IQCM: variants seen among roughly 807,000 people sequenced by gnomAD.
The protein encoded by IQCM is IQ domain-containing protein M.
IQCM carries 45 observed loss-of-function variants against 57.6 expected under a neutral mutation model. The ratio of observed to expected loss-of-function variants is 0.78; its 90% CI spans 0.62 to 1.00. The LOEUF is 1.00. Among genes scored for constraint, IQCM ranks in the 50% least tolerant of loss-of-function variants. The pLI, the probability that IQCM is intolerant of heterozygous loss-of-function variation, is 0.00. For synonymous variants in IQCM, 148 were observed against 158.9 expected (o/e 0.93, Z 0.51); for missense variants, 468 against 511.6 (o/e 0.91, Z 0.82).
At chr4:149,620,074 T>C (rs1028484820) in intron 8 of IQCM, among the ~76,000 whole-genome samples, 1 of 152,054 alleles carries the variant, frequency 6.6e-6, no homozygotes, top group Non-Finnish European at 1.5e-5. Context: ...CAAGAATCAC[T>C]TAAACCCGGC....
At chr4:149,595,550 T>C (rs936566830) in intron 8 of IQCM, among the ~76,000 whole-genome samples, 1 of 152,190 alleles carries the variant, frequency 6.6e-6, no homozygotes, top group Non-Finnish European at 1.5e-5. Context: ...CTATTAACAC[T>C]AGCATTTGCC....
intron 13 of IQCM, among the ~76,000 whole-genome samples, chr4:149,433,040 T>C (rs75147061): frequency 0.017 from 2,620 of 152,042 alleles, 77 homozygotes; most frequent in African/African-American, 0.06. Flanking sequence ...ATATGAAATG[T>C]TATAATGACT....
intron 8 of IQCM, among the ~76,000 whole-genome samples, chr4:149,606,395 C>T (rs1754785260): frequency 6.6e-6 from 1 of 152,184 alleles, no homozygotes; most frequent in Admixed American, 6.5e-5. Flanking sequence ...GGTCACAACA[C>T]TCAGTCCCCT....
chr4:149,796,114 T>C (rs926768379), intron 2 of IQCM, among the ~76,000 whole-genome samples: 6 of 152,130 alleles, frequency 3.9e-5, no homozygotes, highest in Non-Finnish European at 7.4e-5. Context: ...CCATGAGGTA[T>C]CCAATTCCAG....
intron 13 of IQCM, among the ~76,000 whole-genome samples, chr4:149,431,685 T>G (rs186518524): frequency 6.6e-6 from 1 of 152,086 alleles, no homozygotes; most frequent in Non-Finnish European, 1.5e-5. Context: ...AGGCCTGATC[T>G]TTGTTCCCAT....
intron 2 of IQCM, among the ~76,000 whole-genome samples, chr4:149,760,021 A>AGGAAGGAAAGGGAAG (rs537950234): frequency 1.9e-4 from 13 of 67,418 alleles, no homozygotes; most frequent in Admixed American, 7.1e-4. Flanking sequence ...GAAGGAAGGA[A>AGGAAGGAAAGGGAAG]GGAAGGGAAG....
At chr4:149,805,396 T>C (rs1773982407) in intron 2 of IQCM, among the ~76,000 whole-genome samples, 1 of 152,080 alleles carries the variant, frequency 6.6e-6, no homozygotes, top group Non-Finnish European at 1.5e-5. Flanking sequence ...AATGTGTAAC[T>C]GACACAAAGT....
chr4:149,616,752 G>A (rs1755826054), intron 8 of IQCM, among the ~76,000 whole-genome samples: 1 of 152,020 alleles, frequency 6.6e-6, no homozygotes, highest in African/African-American at 2.4e-5. Flanking sequence ...TGTGGGGAGG[G>A]GAGGGAGAGC....
chr4:149,737,232 A>C (rs1234219966), intron 3 of IQCM, among the ~76,000 whole-genome samples: 1 of 152,190 alleles, frequency 6.6e-6, no homozygotes, highest in African/African-American at 2.4e-5. Context: ...AGTGATGGGA[A>C]TGTTCTGTAT....
chr4:149,505,650 C>G (rs1743731654), intron 12 of IQCM, among the ~76,000 whole-genome samples: 2 of 152,148 alleles, frequency 1.3e-5, no homozygotes, highest in Admixed American at 6.5e-5. Context: ...TTTCATTTTT[C>G]CATGTCTATA....
intron 8 of IQCM, among the ~76,000 whole-genome samples, chr4:149,610,832 T>C (rs1755215657): frequency 1.3e-5 from 2 of 151,992 alleles, no homozygotes; most frequent in African/African-American, 4.8e-5. Flanking sequence ...GAATAAGACC[T>C]AAAAAGCACA....
rs550724642 is a variant in IQCM at position 149,359,710 on chromosome 4, A to G, written c.1391-7644T>C. Among the ~76,000 whole-genome samples, 5 of 152,260 alleles carry G rather than the reference A, an allele frequency of 3.3e-5. No homozygotes were observed. In the South Asian group the frequency reaches 1.0e-3, roughly 32 times the overall value. On this transcript the variant is annotated intron_variant, in intron 13 of 13. Coordinates refer to ENST00000636793, the MANE Select transcript of IQCM (RefSeq NM_001363507.2). ...ATATTTTCTTTTAAATTATCTACAA[A>G]TTTTTATATTCACAAGTCCATGTTA...
At position 149,695,770 on chromosome 4, in the gene IQCM, A is replaced by T. The variant is rs138301620; in HGVS notation, c.386-9302T>A. 9.6e-3 allele frequency among the ~76,000 whole-genome samples: 1,456 copies of T among 152,250 alleles called. 81 individuals are homozygous for T. Among genetic ancestry groups the T allele is most frequent in the Admixed American group, 0.085 (1,294 of 15,284 alleles). On this transcript the variant is annotated intron_variant, in intron 5 of 13. Transcript: ENST00000636793. The stretch of plus-strand genomic sequence containing the variant: ...AATGGGATAGAATTCATACCTGAAG[A>T]GGCATCTTCTAAAACCATAGACAAG...
At chr4:149,528,114 T>G (rs540267344) in intron 12 of IQCM, among the ~76,000 whole-genome samples, 95 of 151,922 alleles carry the variant, frequency 6.3e-4, no homozygotes, top group African/African-American at 1.9e-3. Flanking sequence ...GCCTCCTGAG[T>G]AGCTGGGATT....
Position 149,543,191 on chromosome 4 carries a change from G to A in IQCM, c.1228+5264C>T, listed in dbSNP as rs1488115383. Among the ~76,000 whole-genome samples the A allele has an allele frequency of 2.0e-5, 3 of 152,000 alleles. No individual in the cohort carries two copies. In the East Asian group the frequency reaches 5.8e-4, roughly 29 times the overall value. ...TAAGAAAAATGAAAACAACTTAAATGTATAACAATAAATACATTATAGAAC... is the reference window on the plus strand; with the variant it reads ...TAAGAAAAATGAAAACAACTTAAATATATAACAATAAATACATTATAGAAC... On this transcript the variant is annotated intron_variant, in intron 12 of 13. Transcript: ENST00000636793.
intron 7 of IQCM, among the ~76,000 whole-genome samples, chr4:149,663,851 G>A (rs1207619383): frequency 6.6e-6 from 1 of 152,012 alleles, no homozygotes; most frequent in Admixed American, 6.5e-5. Flanking sequence ...TGAAATTCCA[G>A]GATCTTGATG....
intron 8 of IQCM, among the ~76,000 whole-genome samples, chr4:149,589,204 C>T (rs1367413300): frequency 6.6e-6 from 1 of 151,916 alleles, no homozygotes; most frequent in Non-Finnish European, 1.5e-5. Context: ...TTGAAGTAAA[C>T]TTGATAAATG....
chr4:149,504,160 G>A (rs1743544062), intron 12 of IQCM, among the ~76,000 whole-genome samples: 1 of 152,036 alleles, frequency 6.6e-6, no homozygotes, highest in Non-Finnish European at 1.5e-5. Flanking sequence ...AGAGTGAAAA[G>A]AAATGGATAG....
chr4:149,638,189 C>A (rs1029577297), intron 7 of IQCM, among the ~76,000 whole-genome samples: 3 of 152,124 alleles, frequency 2.0e-5, no homozygotes, highest in South Asian at 2.1e-4. Flanking sequence ...TGCCTAGCAT[C>A]ATTAGTCATC....
Sources: gnomAD v4.1 joint callset for allele counts (sites outside exome capture counted in the v4.1 genomes callset) on GRCh38, gnomAD v4.1.1 for gene constraint, MANE v1.5 for transcripts, NCBI Gene and HGNC (gene_info 2026-07-23, HGNC 2026-07-21) for gene names.